Variants in SOX5 observed in about 807,000 individuals in gnomAD.
The protein encoded by SOX5 is transcription factor SOX-5.
Under a neutral mutation model 92.0 loss-of-function variants are expected in SOX5, and 9 were observed. That is an observed-to-expected ratio of 0.10 (90% confidence interval 0.06 to 0.17). The LOEUF is 0.17. Ranked by LOEUF, SOX5 falls within the 10% of genes least tolerant of loss-of-function variation. The pLI is 1.00. For synonymous variants in SOX5, 344 were observed against 336.3 expected, an observed-to-expected ratio of 1.02 and a Z score of -0.25; for missense variants, 642 against 944.5, an observed-to-expected ratio of 0.68 and a Z score of 4.20.
chr12:24,112,083 A>G (rs1041758643), intron 4 of SOX5, among the ~76,000 whole-genome samples: 1 of 152,226 alleles, frequency 6.6e-6, no homozygotes, highest in Non-Finnish European at 1.5e-5. Flanking sequence ...TAATACCTCT[A>G]AAGTCATGTA....
intron 2 of SOX5, among the ~76,000 whole-genome samples, chr12:24,296,025 C>T (rs1165033104): frequency 6.6e-6 from 1 of 152,162 alleles, no homozygotes; most frequent in African/African-American, 2.4e-5. Context: ...TAGAATATGT[C>T]TCATCCTTAA....
intron 4 of SOX5, among the ~76,000 whole-genome samples, chr12:24,201,268 A>C (rs1429152821): frequency 3.3e-5 from 5 of 152,118 alleles, no homozygotes; most frequent in Non-Finnish European, 5.9e-5. Flanking sequence ...TGGAAAGAAA[A>C]TTTTATATTT....
At chr12:24,235,535 A>G (rs902405915) in intron 3 of SOX5, among the ~76,000 whole-genome samples, 7 of 152,192 alleles carry the variant, frequency 4.6e-5, no homozygotes, top group Non-Finnish European at 7.3e-5. Flanking sequence ...TAACATCTTG[A>G]AAAAGGTTGA....
intron 2 of SOX5, among the ~76,000 whole-genome samples, chr12:24,295,417 C>T (rs572282185): frequency 4.6e-5 from 7 of 152,326 alleles, no homozygotes; most frequent in African/African-American, 1.7e-4. Flanking sequence ...CACCCCCAAA[C>T]ACTTTAATCC....
chr12:23,608,553 G>T (rs1353775242), intron 8 of SOX5, among the ~76,000 whole-genome samples: 1 of 151,974 alleles, frequency 6.6e-6, no homozygotes, highest in Non-Finnish European at 1.5e-5. Flanking sequence ...AACATTTTAA[G>T]CTCCTTGAAA....
intron 3 of SOX5, among the ~76,000 whole-genome samples, chr12:23,785,428 A>G (rs2095361453): frequency 6.6e-6 from 1 of 152,226 alleles, no homozygotes; most frequent in Admixed American, 6.5e-5. Flanking sequence ...GAAAAGAAAC[A>G]AGCGGTGGAA....
intron 4 of SOX5, among the ~76,000 whole-genome samples, chr12:23,750,610 G>C (rs1435378987): frequency 6.6e-6 from 1 of 151,764 alleles, no homozygotes; most frequent in Non-Finnish European, 1.5e-5. Context: ...TTTAATTTTA[G>C]AATCTTTATG....
chr12:24,422,113 G>C (rs1284567598), intron 1 of SOX5, among the ~76,000 whole-genome samples: 4 of 152,162 alleles, frequency 2.6e-5, no homozygotes, highest in Non-Finnish European at 2.9e-5. Context: ...AGACGAATGG[G>C]GGCATCGATG....
At chr12:24,551,444 C>T (rs1953152552) in intron 1 of SOX5, among the ~76,000 whole-genome samples, 1 of 152,204 alleles carries the variant, frequency 6.6e-6, no homozygotes, top group Admixed American at 6.5e-5. Context: ...AGTCTATTGG[C>T]TAGCATCTGT....
At chr12:23,902,827 C>T (rs1449761586) in intron 1 of SOX5, among the ~76,000 whole-genome samples, 1 of 152,092 alleles carries the variant, frequency 6.6e-6, no homozygotes, top group African/African-American at 2.4e-5. Context: ...CCCAAATATT[C>T]TAATCCTCTA....
At chr12:23,957,126 T>A (rs1048856771) in intron 4 of SOX5, among the ~76,000 whole-genome samples, 1 of 152,208 alleles carries the variant, frequency 6.6e-6, no homozygotes, top group Non-Finnish European at 1.5e-5. Context: ...TTAAGACTAT[T>A]ACTTGTAGTT....
At chr12:24,194,526 G>C (rs1406533291) in intron 4 of SOX5, among the ~76,000 whole-genome samples, 1 of 151,994 alleles carries the variant, frequency 6.6e-6, no homozygotes. Context: ...TTATACTTGG[G>C]AACAACATAT....
intron 1 of SOX5, among the ~76,000 whole-genome samples, chr12:24,411,990 T>C (rs1024773535): frequency 6.6e-6 from 1 of 152,182 alleles, no homozygotes; most frequent in African/African-American, 2.4e-5. Context: ...TATTTAATTA[T>C]GGGTGAGTTG....
chr12:23,931,806 G>A (rs980160846), intron 1 of SOX5, among the ~76,000 whole-genome samples: 25 of 151,546 alleles, frequency 1.6e-4, no homozygotes, highest in Admixed American at 2.6e-4. Flanking sequence ...TTCTAAGTAT[G>A]AACTCTAACA....
intron 4 of SOX5, among the ~76,000 whole-genome samples, chr12:24,029,379 G>A (rs1014451497): frequency 6.6e-6 from 1 of 151,922 alleles, no homozygotes. Context: ...AGGTCAAGCT[G>A]TTCTCCCACC....
At chr12:23,757,030 G>T (rs1446792332) in intron 3 of SOX5, among the ~76,000 whole-genome samples, 1 of 151,726 alleles carries the variant, frequency 6.6e-6, no homozygotes, top group Non-Finnish European at 1.5e-5. Context: ...GAAAAAAAAA[G>T]TAACAATATG....
intron 1 of SOX5, chr12:24,407,401 G>A (rs1379869744): frequency 6.6e-6 from 1 of 152,142 alleles, no homozygotes; most frequent in Non-Finnish European, 1.5e-5. Flanking sequence ...GTTAAGCAGA[G>A]GGTCCGAACA....
intron 4 of SOX5, among the ~76,000 whole-genome samples, chr12:24,017,205 T>C (rs1592365546): frequency 6.6e-6 from 1 of 152,202 alleles, no homozygotes; most frequent in African/African-American, 2.4e-5. Context: ...GTCCTCTTTA[T>C]CCCTGTGCAT....
chr12:23,788,946 A>G (rs546805572), intron 3 of SOX5, among the ~76,000 whole-genome samples: 85 of 152,120 alleles, frequency 5.6e-4, no homozygotes, highest in African/African-American at 2.0e-3. Flanking sequence ...AGATAAAAAT[A>G]AATTTATTAA....
Sources: allele counts gnomAD v4.1 joint callset (sites outside exome capture counted in the v4.1 genomes callset), GRCh38; gene constraint gnomAD v4.1.1; transcripts MANE v1.5; gene names NCBI Gene and HGNC (gene_info 2026-07-23, HGNC 2026-07-21).